The following BMP5 variants were observed in gnomAD, a reference collection of about 807,000 sequenced individuals.
The protein encoded by BMP5 is bone morphogenetic protein 5.
A neutral mutation model predicts 46.6 loss-of-function variants in BMP5; 23 were observed. That is an observed-to-expected ratio of 0.49 (90% CI 0.35 to 0.70). BMP5 has a LOEUF of 0.70. Ranked by LOEUF, BMP5 falls within the 30% of genes least tolerant of loss-of-function variation. The probability of loss-of-function intolerance (pLI) is 0.00; values close to 1 mark genes in which losing one functional copy is unlikely to be tolerated. For synonymous variants in BMP5, 204 were observed against 191.9 expected, an observed-to-expected ratio of 1.06 and a Z score of -0.52; for missense variants, 545 against 565.6, an observed-to-expected ratio of 0.96 and a Z score of 0.37.
intron 4 of BMP5, among the ~76,000 whole-genome samples, chr6:55,761,714 C>G (rs1460982417): frequency 6.6e-6 from 1 of 152,108 alleles, no homozygotes; most frequent in African/African-American, 2.4e-5. Context: ...CCTGATACAC[C>G]TGATTTCTCT....
intron 4 of BMP5, chr6:55,772,997 G>A: frequency 2.4e-6 from 2 of 832,528 alleles, no homozygotes; most frequent in Non-Finnish European, 2.9e-6. Flanking sequence ...AATAGCTGCT[G>A]TATGACCTGT....
chr6:55,796,119 GAGC>G (rs1343288595), intron 2 of BMP5, among the ~76,000 whole-genome samples: 2 of 152,030 alleles, frequency 1.3e-5, no homozygotes, highest in Non-Finnish European at 2.9e-5. Flanking sequence ...TCTTAAACAG[GAGC>G]AGTCACCCTG....
rs537238573 is a variant in BMP5 at position 55,774,323 on chromosome 6, T to C, written c.833-80A>G. ...ATGTGAATGAATTCTGAGGGTACTT[T>C]GAAAAGGGGAAAAGTTTTAAAACAT... On this transcript the variant is annotated intron_variant, in intron 3 of 6. Transcript: ENST00000370830. 287 of 1,370,290 alleles carry C rather than the reference T, an allele frequency of 2.1e-4. 2 individuals are homozygous for C. Among genetic ancestry groups the C allele is most frequent in the Non-Finnish European group, 2.2e-5 (21 of 963,404 alleles). 84.9% of individuals were successfully genotyped at this position (1,370,290 alleles called of 1,614,324 possible).
chr6:55,819,955 ATAAAACTGGAAAAACCC>A (rs1729973078), intron 1 of BMP5, 108 bp from the exon 2 acceptor site: 1 of 1,023,316 alleles, frequency 9.8e-7, no homozygotes, highest in African/African-American at 1.6e-5. Flanking sequence ...GCAGGATAGT[ATAAAACTGGAAAAACCC>A]TAAAACCACA....
rs146822698 is a variant in BMP5 at position 55,842,257 on chromosome 6, A to G, written c.491-22410T>C. On this transcript the variant is annotated intron_variant, in intron 1 of 6. Coordinates refer to ENST00000370830, the MANE Select transcript of BMP5 (RefSeq NM_021073.4). Reference sequence around the variant, plus strand: ...GTTCTTAGTTCTAAGGCATGGTCCTATCTTAGGTATCTTTACTCCTAAGAT... The same window carrying G: ...GTTCTTAGTTCTAAGGCATGGTCCTGTCTTAGGTATCTTTACTCCTAAGAT... Among the ~76,000 whole-genome samples, 734 of 152,254 alleles carry G rather than the reference A, an allele frequency of 4.8e-3. 5 individuals carry two copies. Among genetic ancestry groups the G allele is most frequent in the African/African-American group, 0.016 (677 of 41,562 alleles).
At chr6:55,759,142 CACA>C (rs1249743824) in intron 5 of BMP5, 27 bp from the exon 6 acceptor site, 30 of 119,556 alleles carry the variant, frequency 2.5e-4, no homozygotes, top group Non-Finnish European at 3.2e-4. Context: ...CACACACACA[CACA>C]AAAAAAAAAA....
At chr6:55,849,417 G>A (rs1252059394) in intron 1 of BMP5, among the ~76,000 whole-genome samples, 1 of 152,036 alleles carries the variant, frequency 6.6e-6, no homozygotes, top group African/African-American at 2.4e-5. Context: ...TTTTACATAA[G>A]ATGATTGAGG....
intron 1 of BMP5, among the ~76,000 whole-genome samples, chr6:55,838,020 A>G (rs146722801): frequency 2.1e-3 from 320 of 152,318 alleles, no homozygotes; most frequent in African/African-American, 7.5e-3. Flanking sequence ...ATAATACTCC[A>G]TTGAGTACAT....
chr6:55,761,313 G>T (rs114311279), intron 4 of BMP5, among the ~76,000 whole-genome samples: 6 of 151,862 alleles, frequency 4.0e-5, no homozygotes, highest in Non-Finnish European at 8.8e-5. Flanking sequence ...TTCTGCCCTT[G>T]CTCCTCTATA....
Position 55,760,532 on chromosome 6 carries a change from A to C in BMP5, c.1029T>G (p.Asp343Glu). 1.2e-6 allele frequency: 2 copies of C among 1,612,800 alleles called. No individual in the cohort carries two copies. Among genetic ancestry groups the C allele is most frequent in the Non-Finnish European group, 1.7e-6 (2 of 1,179,076 alleles). Residue 343 changes from aspartate (D) to glutamate (E), a missense_variant and splice_region_variant, in exon 5 of 7, where the codon GAT becomes GAG. Physicochemically the swap from Asp to Glu is conservative, Grantham distance 45. Transcript: ENST00000370830. ...QDSSRMSSVG[D>E]YNTSEQKQAC... is the part of the protein sequence containing the mutation. The stretch of plus-strand genomic sequence containing the variant: ...CTTGTTTTTGCTCACTTGTGTTATA[A>C]TCTGAAGATAAAAACCACATTTTGA...
chr6:55,807,975 AG>A (rs1776032286), intron 2 of BMP5, among the ~76,000 whole-genome samples: 1 of 152,186 alleles, frequency 6.6e-6, no homozygotes, highest in African/African-American at 2.4e-5. Flanking sequence ...GAGCAGGACC[AG>A]TTTAACAAAG....
At chr6:55,823,985 A>G (rs1020071652) in intron 1 of BMP5, among the ~76,000 whole-genome samples, 7 of 152,112 alleles carry the variant, frequency 4.6e-5, no homozygotes, top group African/African-American at 7.2e-5. Context: ...AAATTTAATT[A>G]TAGCTTTTAA....
chr6:55,849,661 G>C (rs1777177345), intron 1 of BMP5, among the ~76,000 whole-genome samples: 1 of 152,036 alleles, frequency 6.6e-6, no homozygotes, highest in African/African-American at 2.4e-5. Context: ...ATGTAGAACA[G>C]AGTGAGGAGT....
chr6:55,779,227 C>A (rs375384113), intron 3 of BMP5, among the ~76,000 whole-genome samples: 1 of 151,994 alleles, frequency 6.6e-6, no homozygotes, highest in Non-Finnish European at 1.5e-5. Flanking sequence ...AGAGTCTAAA[C>A]GTTGATATCA....
chr6:55,857,421 C>A (rs1777426513), intron 1 of BMP5, among the ~76,000 whole-genome samples: 1 of 152,034 alleles, frequency 6.6e-6, no homozygotes, highest in Admixed American at 6.6e-5. Context: ...AAAAATGCAG[C>A]CATACTTTCG....
chr6:55,829,452 C>T (rs1281823594), intron 1 of BMP5, among the ~76,000 whole-genome samples: 1 of 151,650 alleles, frequency 6.6e-6, no homozygotes, highest in Non-Finnish European at 1.5e-5. Context: ...TACTGTGGCA[C>T]AGCCCTGCTC....
intron 2 of BMP5, among the ~76,000 whole-genome samples, chr6:55,817,143 C>T (rs893768857): frequency 5.3e-5 from 8 of 152,200 alleles, no homozygotes; most frequent in Non-Finnish European, 1.0e-4. Flanking sequence ...CACTTTTACA[C>T]TGTTGGTGGG....
chr6:55,861,311 C>T (rs569081696), intron 1 of BMP5, among the ~76,000 whole-genome samples: 1 of 152,322 alleles, frequency 6.6e-6, no homozygotes, highest in East Asian at 1.9e-4. Context: ...GCTTATATGG[C>T]CTTCTAGACC....
chr6:55,813,148 T>C (rs918586576), intron 2 of BMP5, among the ~76,000 whole-genome samples: 1 of 152,192 alleles, frequency 6.6e-6, no homozygotes, highest in Admixed American at 6.5e-5. Flanking sequence ...TGTTTTGTTT[T>C]GTTTTGATTT....
Sources: gnomAD v4.1 joint callset for allele counts (sites outside exome capture counted in the v4.1 genomes callset) on GRCh38, gnomAD v4.1.1 for gene constraint, MANE v1.5 for transcripts, NCBI Gene and HGNC (gene_info 2026-07-23, HGNC 2026-07-21) for gene names.